Variants in LTBR observed in about 807,000 individuals in gnomAD.
The protein encoded by LTBR is tumor necrosis factor receptor superfamily member 3.
Under a neutral mutation model 45.4 loss-of-function variants are expected in LTBR, and 15 were observed. The observed-to-expected ratio is 0.33, with a 90% CI of 0.22 to 0.51. The LOEUF (loss-of-function observed/expected upper bound fraction) is 0.51, where lower values mean the gene tolerates loss of function less well. LTBR is among the 20% of genes least tolerant of loss of function. The pLI is 0.97. For synonymous variants in LTBR, 228 were observed against 231.0 expected (o/e 0.99, Z 0.12); for missense variants, 450 against 565.5 (o/e 0.80, Z 2.07).
intron 8 of LTBR, chr12:6,389,150 G>A (rs1949082078): frequency 3.7e-6 from 1 of 270,722 alleles, no homozygotes; most frequent in African/African-American, 2.2e-5. Context: ...TTTAGACAGA[G>A]TGGAGAGTGA....
At chr12:6,377,568 T>C (rs1948932229) in intron 1 of LTBR, 6 of 927,318 alleles carry the variant, frequency 6.5e-6, no homozygotes, top group Non-Finnish European at 6.3e-6. Context: ...TGCTGGGTTA[T>C]CTCCTTGGCT....
upstream of LTBR, among the ~76,000 whole-genome samples, chr12:6,380,282 C>A (rs1417923828): frequency 3.3e-5 from 5 of 152,218 alleles, no homozygotes; most frequent in Admixed American, 6.5e-5. Flanking sequence ...AAAAGGACAA[C>A]CCTCATCTGT....
rs1394320802 is a variant in LTBR, at chr12:6,391,230, T to C, written c.*293T>C. 6.5e-6 allele frequency: 2 copies of C among 306,316 alleles called. No individual in the cohort carries two copies. Among genetic ancestry groups the C allele is most frequent in the African/African-American group, 2.1e-5 (1 of 46,552 alleles). The allele number at this position is 306,316 out of a possible 1,614,324, so 19.0% of individuals were successfully genotyped here. A position where few individuals can be genotyped will look rare whatever the true frequency, so the allele number is the denominator to read the frequency against. On this transcript the variant is annotated 3_prime_UTR_variant, in exon 10 of 10. Transcript: ENST00000228918. Reference sequence around the variant, plus strand: ...GCACATGATACCAACTGCTGCCCACTACGGCACGCCGCACCGGAGCACGGC... The same window carrying C: ...GCACATGATACCAACTGCTGCCCACCACGGCACGCCGCACCGGAGCACGGC...
chr12:6,376,727 C>T (rs1034800154), intron 1 of LTBR, among the ~76,000 whole-genome samples: 2 of 152,046 alleles, frequency 1.3e-5, no homozygotes, highest in African/African-American at 4.8e-5. Context: ...GGAGAGCCAC[C>T]CACACAACCC....
intron 1 of LTBR, chr12:6,375,694 T>C (rs2136916916): frequency 6.9e-7 from 1 of 1,439,248 alleles, no homozygotes; most frequent in Non-Finnish European, 9.1e-7. Flanking sequence ...GTACTGGACC[T>C]GAGAAGGCGG....
At position 6,388,787 on chromosome 12, in the gene LTBR, T is replaced by C; in HGVS notation, c.776-13T>C. The stretch of plus-strand genomic sequence containing the variant: ...TGCCGGGGAGCCTACACCCATTTCA[T>C]TCTCCATTGCAGGATCGCTGCTCAA... On this transcript the variant is annotated splice_polypyrimidine_tract_variant and intron_variant, in intron 7 of 9. Coordinates refer to ENST00000228918, the MANE Select transcript of LTBR (RefSeq NM_002342.3). This position sits in a 1 kb window ranked among gnomAD's most constrained non-coding sequence, Gnocchi z 4.3. 6.2e-7 allele frequency: 1 copy of C among 1,614,084 alleles called. No homozygotes were observed. Among genetic ancestry groups the C allele is most frequent in the Non-Finnish European group, 8.5e-7 (1 of 1,179,994 alleles).
chr12:6,379,959 AC>A (rs1592094874), upstream of LTBR, among the ~76,000 whole-genome samples: 2 of 151,226 alleles, frequency 1.3e-5, no homozygotes, highest in Admixed American at 6.6e-5. Flanking sequence ...AAAAAAAAAA[AC>A]AAAAAAAGAA....
upstream of LTBR, among the ~76,000 whole-genome samples, chr12:6,381,866 G>A (rs1045039225): frequency 3.3e-5 from 5 of 152,178 alleles, no homozygotes; most frequent in East Asian, 3.8e-4. Context: ...CCAGCTACTC[G>A]GGAGGTTGAG....
Position 6,390,916 on chromosome 12 carries a change from C to T in LTBR, c.1287C>T (p.Asn429=). 1 of 1,580,278 alleles carries T rather than the reference C, an allele frequency of 6.3e-7. No homozygotes were observed. Among genetic ancestry groups the T allele is most frequent in the South Asian group, 1.2e-5 (1 of 84,396 alleles). Reference sequence around the variant, plus strand: ...CACCCTCTAACAGGGGCCCAAGGAACCAATTTATCACCCATGACTGACTGA... The same window carrying T: ...CACCCTCTAACAGGGGCCCAAGGAATCAATTTATCACCCATGACTGACTGA... The part of the protein sequence containing the change: ...GATPSNRGPR[N]QFITHD The change falls in exon 10 of 10, where the codon AAC becomes AAT. Residue 429 remains asparagine (N), a synonymous_variant. Transcript: ENST00000228918.
At position 6,387,920 on chromosome 12, in the gene LTBR, C is replaced by G. The variant is rs747665991; in HGVS notation, c.668-478C>G. 25 of 446,482 alleles carry G rather than the reference C, an allele frequency of 5.6e-5. 1 individual carries two copies. In the Middle Eastern group the frequency reaches 4.9e-3, roughly 88 times the overall value. 27.7% of individuals were successfully genotyped at this position (446,482 alleles called of 1,614,324 possible). A position where few individuals can be genotyped will look rare whatever the true frequency, so the allele number is the denominator to read the frequency against. ...GTAAACACCCCCACAGGTACAGGTA[C>G]AGCAGGGCAACCCTAGCTCCTCTAC... On this transcript the variant is annotated intron_variant, in intron 6 of 9. Transcript: ENST00000228918.
At chr12:6,375,735 G>A (rs1035363551) in intron 1 of LTBR, 4 of 1,419,490 alleles carry the variant, frequency 2.8e-6, no homozygotes, top group South Asian at 3.0e-5. Flanking sequence ...ACGCAGACAG[G>A]CAAGGAGGCT....
intron 8 of LTBR, chr12:6,389,048 C>G (rs1289657489): frequency 1.9e-6 from 1 of 537,954 alleles, no homozygotes; most frequent in Admixed American, 3.2e-5. Flanking sequence ...GCCCATGGAG[C>G]AAGAATAAGT....
chr12:6,375,637 G>A, intron 1 of LTBR: 1 of 1,488,618 alleles, frequency 6.7e-7, no homozygotes, highest in South Asian at 1.3e-5. Flanking sequence ...GTCAGAGCCG[G>A]GAGTTTTCCG....
chr12:6,381,846 G>A (rs3759331), upstream of LTBR, among the ~76,000 whole-genome samples: 61,811 of 151,924 alleles, frequency 0.41, 12,930 homozygotes, highest in South Asian at 0.48. Flanking sequence ...GGTGGCAGGC[G>A]CCCGTAATCC....
rs149953822 is a variant in LTBR at position 6,390,618 on chromosome 12, T to G, written c.1031-42T>G. The G allele has an allele frequency of 4.3e-4, 638 of 1,496,896 alleles. 3 individuals are homozygous for G. The African/African-American group carries it at 8.3e-3, about 20-fold the overall frequency. 92.7% of individuals were successfully genotyped at this position (1,496,896 alleles called of 1,614,324 possible). On this transcript the variant is annotated intron_variant, in intron 9 of 9. Coordinates refer to ENST00000228918, the MANE Select transcript of LTBR (RefSeq NM_002342.3). ...AATTCAAGAAGCAGCGGGCCTGAAC[T>G]GGGGGCCTTCCTTCCTCAACACTCT...
chr12:6,390,065 G>A (rs779080948), intron 8 of LTBR, 47 bp from the exon 9 acceptor site: 1 of 1,254,868 alleles, frequency 8.0e-7, no homozygotes, highest in Non-Finnish European at 1.2e-6. Flanking sequence ...GAGAAAAAAG[G>A]GTCTGGGGCC....
At position 6,377,240 on chromosome 12, in the gene LTBR, T is replaced by A. The variant is rs144722731; in HGVS notation, c.39+1646T>A. On this transcript the variant is annotated intron_variant, in intron 1 of 9. Coordinates refer to the LTBR transcript ENST00000539925. ...TGTCAACCAGGATTCCAAACCAGGT[T>A]CCCTTGCTTACCTTGATACTGCTCA... The A allele has an allele frequency of 3.2e-4, 502 of 1,546,694 alleles. 1 individual carries two copies. In the East Asian group the frequency reaches 1.0e-2, roughly 31 times the overall value.
At chr12:6,389,969 G>GAA in intron 8 of LTBR, 143 bp from the exon 9 acceptor site, 1 of 625,718 alleles carries the variant, frequency 1.6e-6, no homozygotes, top group Non-Finnish European at 2.8e-6. Flanking sequence ...AAGAAAGAAA[G>GAA]AGAGAGAGAG....
At chr12:6,376,163 T>C (rs1948905064) in intron 1 of LTBR, 1 of 985,702 alleles carries the variant, frequency 1.0e-6, no homozygotes, top group Non-Finnish European at 1.2e-6. Context: ...TCTGCAGGTC[T>C]CCTCCCCGCT....
Sources: gnomAD v4.1 joint callset for allele counts (sites outside exome capture counted in the v4.1 genomes callset) on GRCh38, gnomAD v4.1.1 for gene constraint, Gnocchi (gnomAD v3.1) non-coding constraint, MANE v1.5 for transcripts, NCBI Gene and HGNC (gene_info 2026-07-23, HGNC 2026-07-21) for gene names.